The following AFTPH variants were observed in gnomAD, a reference collection of about 807,000 sequenced individuals.
AFTPH encodes the protein aftiphilin protein.
Under a neutral mutation model 72.5 loss-of-function variants are expected in AFTPH, and 7 were observed. The ratio of observed to expected loss-of-function variants is 0.10; its 90% CI spans 0.05 to 0.18. AFTPH has a LOEUF of 0.18. AFTPH is among the 10% of genes least tolerant of loss of function. The pLI is 1.00. For missense variants in AFTPH, 979 were observed against 1,060.5 expected (o/e 0.92, Z 1.07); for synonymous variants, 337 against 370.1 (o/e 0.91, Z 1.03).
chr2:64,552,601 CTGA>C, exon 2 of AFTPH: 2 of 1,614,128 alleles, frequency 1.2e-6, no homozygotes, highest in African/African-American at 2.7e-5. Context: ...GTTAAAACTT[CTGA>C]TGATGAAGTT....
chr2:64,576,595 T>TAA (rs1672817393), intron 6 of AFTPH, among the ~76,000 whole-genome samples: 1 of 152,202 alleles, frequency 6.6e-6, no homozygotes. Flanking sequence ...GTAAGGTCAA[T>TAA]ACTTTACACT....
chr2:64,533,319 A>C (rs889963407), intron 1 of AFTPH, among the ~76,000 whole-genome samples: 1 of 152,150 alleles, frequency 6.6e-6, no homozygotes, highest in Admixed American at 6.6e-5. Context: ...GGATCACTTG[A>C]GCTCAGGAGG....
At chr2:64,546,133 TCCTC>T (rs1445533918) in intron 1 of AFTPH, among the ~76,000 whole-genome samples, 3 of 151,882 alleles carry the variant, frequency 2.0e-5, no homozygotes, top group African/African-American at 7.3e-5. Context: ...CCTCAAGTGA[TCCTC>T]CCACCTCGGC....
exon 2 of AFTPH, chr2:64,553,094 T>C (rs1436645880): frequency 1.9e-6 from 3 of 1,614,212 alleles, no homozygotes; most frequent in Non-Finnish European, 2.5e-6. Flanking sequence ...GACATTTTGA[T>C]TCTGTGCCAA....
chr2:64,573,664 T>C (rs548234744), intron 6 of AFTPH, among the ~76,000 whole-genome samples: 7 of 151,380 alleles, frequency 4.6e-5, no homozygotes, highest in Non-Finnish European at 1.0e-4. Context: ...AATAGAAAAC[T>C]CTTTTTTTTT....
intron 6 of AFTPH, among the ~76,000 whole-genome samples, chr2:64,575,832 G>C (rs768433058): frequency 3.3e-5 from 5 of 150,792 alleles, no homozygotes; most frequent in Non-Finnish European, 5.9e-5. Context: ...TCCACCTCCC[G>C]GGTTCAAGTG....
intron 1 of AFTPH, among the ~76,000 whole-genome samples, chr2:64,546,193 CT>C (rs11413248): frequency 8.8e-5 from 13 of 148,316 alleles, no homozygotes; most frequent in East Asian, 3.9e-4. Flanking sequence ...GCACCCAGCC[CT>C]TTTTTTTTTA....
At chr2:64,555,075 A>G (rs1485868983) in intron 2 of AFTPH, among the ~76,000 whole-genome samples, 1 of 152,198 alleles carries the variant, frequency 6.6e-6, no homozygotes, top group East Asian at 1.9e-4. Context: ...AAAAAGCCTT[A>G]TGATTTTTGG....
chr2:64,568,535 A>C (rs930296806), intron 3 of AFTPH, among the ~76,000 whole-genome samples: 1 of 152,226 alleles, frequency 6.6e-6, no homozygotes. Context: ...GAAAAAAGGT[A>C]GATGGGAGGC....
chr2:64,540,917 T>G (rs1670214617), intron 1 of AFTPH, among the ~76,000 whole-genome samples: 1 of 152,160 alleles, frequency 6.6e-6, no homozygotes, highest in Non-Finnish European at 1.5e-5. Flanking sequence ...ACTTGGAGGT[T>G]TCAGAAACCT....
At chr2:64,572,222 A>G (rs943095902) in intron 5 of AFTPH, among the ~76,000 whole-genome samples, 2 of 143,748 alleles carry the variant, frequency 1.4e-5, no homozygotes, top group African/African-American at 5.2e-5. Flanking sequence ...CTCTGTCTCA[A>G]AAAAAAAAAA....
chr2:64,567,358 G>A (rs573792769), intron 2 of AFTPH, among the ~76,000 whole-genome samples: 1 of 152,160 alleles, frequency 6.6e-6, no homozygotes, highest in Non-Finnish European at 1.5e-5. Flanking sequence ...TGCCAGCTAC[G>A]TAGCTCATCA....
intron 1 of AFTPH, among the ~76,000 whole-genome samples, chr2:64,534,054 T>C (rs1428423464): frequency 6.6e-6 from 1 of 152,216 alleles, no homozygotes; most frequent in Non-Finnish European, 1.5e-5. Context: ...GTTTCTGCCT[T>C]AGCCACCCTC....
intron 2 of AFTPH, among the ~76,000 whole-genome samples, chr2:64,564,640 T>A (rs112467760): frequency 0.13 from 7,901 of 60,938 alleles, 466 homozygotes; most frequent in African/African-American, 0.42. Context: ...AAAAATAAAA[T>A]AAATAAATGC....
Position 64,544,809 on chromosome 2 carries a change from C to G in AFTPH, c.-32-6634C>G, listed in dbSNP as rs117469421. 2.1e-3 allele frequency among the ~76,000 whole-genome samples: 315 copies of G among 152,266 alleles called. 7 individuals carry two copies. In the East Asian group the frequency reaches 0.041, roughly 20 times the overall value. On this transcript the variant is annotated intron_variant, in intron 1 of 8. Transcript: ENST00000238856. The stretch of plus-strand genomic sequence containing the variant: ...AAGGACACTTAGAAGCAGTGGCACT[C>G]TCTTAGGTTTCTAAAGGGTAAGTTG...
At chr2:64,528,108 T>G (rs1208327429) in intron 1 of AFTPH, among the ~76,000 whole-genome samples, 1 of 152,256 alleles carries the variant, frequency 6.6e-6, no homozygotes, top group Non-Finnish European at 1.5e-5. Context: ...AAAGATAGAT[T>G]GCTAATTAAT....
chr2:64,568,473 C>A (rs1352782725), intron 3 of AFTPH, among the ~76,000 whole-genome samples: 1 of 152,178 alleles, frequency 6.6e-6, no homozygotes, highest in Non-Finnish European at 1.5e-5. Context: ...CTCGGGACTT[C>A]CCTTCACTTA....
chr2:64,589,009 G>A (rs1300846820), intron 8 of AFTPH, among the ~76,000 whole-genome samples: 2 of 152,106 alleles, frequency 1.3e-5, no homozygotes, highest in Non-Finnish European at 2.9e-5. Flanking sequence ...CAATTCTGCA[G>A]GTTGTCTTTT....
Position 64,534,276 on chromosome 2 carries a change from AT to A in AFTPH, c.-33+9667del, listed in dbSNP as rs368049904. On this transcript the variant is annotated intron_variant, in intron 1 of 8. Coordinates refer to ENST00000238856, the Ensembl canonical transcript of AFTPH. ...CTTAAGGCTTTTGTTTTTAGTGGCT[AT>A]TTATAAAAAGCAATGAACTTATTAA... Among the ~76,000 whole-genome samples the A allele has an allele frequency of 2.5e-3, 374 of 152,302 alleles. 1 individual carries two copies. Among genetic ancestry groups the A allele is most frequent in the African/African-American group, 8.4e-3 (351 of 41,570 alleles).
Sources: allele counts gnomAD v4.1 joint callset (sites outside exome capture counted in the v4.1 genomes callset), GRCh38; gene constraint gnomAD v4.1.1; transcripts MANE v1.5; gene names NCBI Gene and HGNC (gene_info 2026-07-23, HGNC 2026-07-21).